Variants in RNF32 observed in about 807,000 individuals in gnomAD.
The protein encoded by RNF32 is ring finger protein 32.
In RNF32, 36 loss-of-function variants were observed where a neutral mutation model predicts 41.0. The ratio of observed to expected loss-of-function variants is 0.88; its 90% confidence interval spans 0.67 to 1.16. The LOEUF (loss-of-function observed/expected upper bound fraction) is 1.16. Ranked by LOEUF, RNF32 falls within the 50% of genes most tolerant of loss-of-function variation. The pLI, the probability that RNF32 is intolerant of heterozygous loss-of-function variation, is 0.00. For missense variants in RNF32, 413 were observed against 436.7 expected, an observed-to-expected ratio of 0.95 and a Z score of 0.48; for synonymous variants, 154 against 160.9, an observed-to-expected ratio of 0.96 and a Z score of 0.32.
chr7:156,666,049 GT>G (rs1472607599), intron 7 of RNF32, among the ~76,000 whole-genome samples: 1 of 152,138 alleles, frequency 6.6e-6, no homozygotes, highest in African/African-American at 2.4e-5. Context: ...GGAACCATTG[GT>G]TTCGATCAAA....
intron 7 of RNF32, among the ~76,000 whole-genome samples, chr7:156,668,527 C>T (rs1801732235): frequency 6.6e-6 from 1 of 152,168 alleles, no homozygotes; most frequent in South Asian, 2.1e-4. Context: ...CACCCTGCTT[C>T]CCTCTGCCTC....
At chr7:156,650,022 G>C (rs1360069577) in intron 3 of RNF32, among the ~76,000 whole-genome samples, 1 of 99,582 alleles carries the variant, frequency 1.0e-5, no homozygotes, top group African/African-American at 8.0e-5. Flanking sequence ...ATCTGGGCCT[G>C]AGGCTTTTTT....
intron 7 of RNF32, among the ~76,000 whole-genome samples, chr7:156,667,358 C>G (rs1232985038): frequency 6.6e-6 from 1 of 152,140 alleles, no homozygotes; most frequent in African/African-American, 2.4e-5. Flanking sequence ...AAATGTTTAG[C>G]CAGCTTGTTA....
chr7:156,650,923 T>A (rs548749580), intron 3 of RNF32, among the ~76,000 whole-genome samples: 3 of 152,210 alleles, frequency 2.0e-5, no homozygotes, highest in Non-Finnish European at 4.4e-5. Flanking sequence ...CCCCTTCACC[T>A]GCTGCTGTTA....
rs147673542 is a variant in RNF32 at position 156,668,774 on chromosome 7, G to A, written c.685-6922G>A. Among the ~76,000 whole-genome samples the A allele has an allele frequency of 5.9e-5, 9 of 152,348 alleles. No homozygotes were observed. The East Asian group carries it at 1.5e-3, about 26-fold the overall frequency. On this transcript the variant is annotated intron_variant, in intron 7 of 8. Transcript: ENST00000317955. Reference sequence around the variant, plus strand: ...AGACCATCAGGCTAGCACAGTGCCTGTTCTATGGCAGCTGAGCAATTCCCC... The same window carrying A: ...AGACCATCAGGCTAGCACAGTGCCTATTCTATGGCAGCTGAGCAATTCCCC...
chr7:156,644,717 A>C lies in RNF32; in HGVS notation c.234A>C (p.Lys78Asn), dbSNP rs910765334. 1 of 1,611,986 alleles carries C rather than the reference A, an allele frequency of 6.2e-7. No individual in the cohort carries two copies. The highest frequency in any genetic ancestry group is 8.5e-7 in the Non-Finnish European group (1 of 1,179,684). ...GCCCCAAACTAGAAGACTCAGAAAA[A>C]GAATATGTTCTTGATCCCAAACCGC... Reference protein sequence around the residue: ...TQCPKLEDSEKEYVLDPKPPP... With the variant: ...TQCPKLEDSENEYVLDPKPPP... Residue 78 changes from lysine (K) to asparagine (N), a missense_variant, in exon 3 of 9, where the codon AAA becomes AAC. Coordinates refer to ENST00000317955, the MANE Select transcript of RNF32 (RefSeq NM_030936.4).
In RNF32 at chr7:156,655,297, G is replaced by T. The variant is rs535047479; in HGVS notation, c.417+579G>T. On this transcript the variant is annotated intron_variant, in intron 4 of 8. Transcript: ENST00000317955. Reference sequence around the variant, plus strand: ...GAGAGAATGCATATATATATATAGAGAGAGAGAGAGAGAATGCATATAGGG... The same window carrying T: ...GAGAGAATGCATATATATATATAGATAGAGAGAGAGAGAATGCATATAGGG... Among the ~76,000 whole-genome samples, 903 of 151,460 alleles carry T rather than the reference G, an allele frequency of 6.0e-3. 5 individuals carry two copies. The highest frequency in any genetic ancestry group is 0.021 in the Middle Eastern group (6 of 292).
rs951214742 is a variant in RNF32 at position 156,669,463 on chromosome 7, C to T, written c.685-6233C>T. Among the ~76,000 whole-genome samples the T allele has an allele frequency of 1.3e-5, 2 of 152,102 alleles. No individual in the cohort carries two copies. The highest frequency in any genetic ancestry group is 2.4e-5 in the African/African-American group (1 of 41,410). ...ACCCAAATGGAGGAACCGTGCCGTT[C>T]CCTGGAACCTCTGTCCAGGCAGAGG... On this transcript the variant is annotated intron_variant, in intron 7 of 8. Coordinates refer to ENST00000317955, the MANE Select transcript of RNF32 (RefSeq NM_030936.4). This position sits in a 1 kb window ranked among gnomAD's most constrained non-coding sequence, Gnocchi z 4.2.
rs537468880 is a variant in RNF32, at chr7:156,660,040, A to C, written c.684+1470A>C. On this transcript the variant is annotated intron_variant, in intron 7 of 8. Transcript: ENST00000317955. Reference sequence around the variant, plus strand: ...GGGTCCGCTGCCCTGTGGCCATCCCACCTCCCCACAAATACTGTTTTTTGT... The same window carrying C: ...GGGTCCGCTGCCCTGTGGCCATCCCCCCTCCCCACAAATACTGTTTTTTGT... The C allele has an allele frequency of 1.2e-5, 12 of 984,610 alleles. No homozygotes were observed. The East Asian group carries it at 1.3e-3, about 103-fold the overall frequency. 61.0% of individuals were successfully genotyped at this position (984,610 alleles called of 1,614,324 possible).
rs1804069262 is a variant in RNF32, at chr7:156,676,463, T to C, written c.897T>C (p.Pro299=). ...ACGAGTGCTCCATCTGCCTGGCCCC[T>C]CTCTCCGCTGCTGGCGGTCAGCGCG... ...ETHECSICLA[P]LSAAGGQRVG... The change falls in exon 9 of 9, where the codon CCT becomes CCC. Residue 299 remains proline (P), a synonymous_variant. Coordinates refer to ENST00000317955, the MANE Select transcript of RNF32 (RefSeq NM_030936.4). The C allele has an allele frequency of 3.1e-6, 5 of 1,613,932 alleles. No individual in the cohort carries two copies. The highest frequency in any genetic ancestry group is 1.7e-5 in the Admixed American group (1 of 59,992).
chr7:156,647,139 A>C (rs1373259579), intron 3 of RNF32, among the ~76,000 whole-genome samples: 1 of 151,932 alleles, frequency 6.6e-6, no homozygotes, highest in Admixed American at 6.6e-5. Flanking sequence ...GGCGTGAGTC[A>C]CCATGCCTGG....
chr7:156,653,004 T>G (rs941450182), intron 3 of RNF32, among the ~76,000 whole-genome samples: 1 of 152,148 alleles, frequency 6.6e-6, no homozygotes, highest in Non-Finnish European at 1.5e-5. Context: ...AAAATATATT[T>G]TTATAAATTT....
intron 7 of RNF32, chr7:156,659,010 G>A (rs981696787): frequency 1.4e-6 from 2 of 1,463,050 alleles, no homozygotes; most frequent in Non-Finnish European, 1.8e-6. Flanking sequence ...AGTACCTCGT[G>A]GGGTCATCAC....
upstream of RNF32, chr7:156,640,447 C>G (rs1797125501): frequency 2.7e-6 from 1 of 370,122 alleles, no homozygotes. Context: ...GGCGCCTGCA[C>G]GCCCCCGTGC....
At chr7:156,644,311 T>C (rs112312863) in intron 2 of RNF32, among the ~76,000 whole-genome samples, 188 bp from the exon 3 acceptor site, 2 of 152,324 alleles carry the variant, frequency 1.3e-5, no homozygotes, top group African/African-American at 2.4e-5. Flanking sequence ...TGAAAAGATA[T>C]TCCTGTATTG....
intron 7 of RNF32, among the ~76,000 whole-genome samples, chr7:156,666,584 C>A (rs1470710976): frequency 6.6e-6 from 1 of 152,152 alleles, no homozygotes; most frequent in African/African-American, 2.4e-5. Flanking sequence ...AGGTAAGTGT[C>A]AGAGAATAAA....
chr7:156,671,994 A>G (rs913760444), intron 7 of RNF32, among the ~76,000 whole-genome samples: 1 of 152,242 alleles, frequency 6.6e-6, no homozygotes, highest in Admixed American at 6.5e-5. Flanking sequence ...TATTTCATCA[A>G]AACTTGTGGA....
intron 7 of RNF32, among the ~76,000 whole-genome samples, chr7:156,666,201 C>T (rs908617922): frequency 2.6e-5 from 4 of 152,148 alleles, no homozygotes; most frequent in East Asian, 1.9e-4. Context: ...AAGAGGGATA[C>T]GTTTTTAATA....
At chr7:156,672,914 A>T (rs1802879241) in intron 7 of RNF32, among the ~76,000 whole-genome samples, 1 of 152,180 alleles carries the variant, frequency 6.6e-6, no homozygotes, top group Non-Finnish European at 1.5e-5. Context: ...TGGTTCTTAA[A>T]CCTGAATGGG....
Sources: gnomAD v4.1 joint callset for allele counts (sites outside exome capture counted in the v4.1 genomes callset) on GRCh38, gnomAD v4.1.1 for gene constraint, Gnocchi (gnomAD v3.1) non-coding constraint, MANE v1.5 for transcripts, NCBI Gene and HGNC (gene_info 2026-07-23, HGNC 2026-07-21) for gene names.